Variants in ASTN2 observed in about 807,000 individuals in gnomAD.
ASTN2 encodes astrotactin 2, also known as astrotactin-2.
In ASTN2, 54 loss-of-function variants were observed where a neutral mutation model predicts 139.8. The observed-to-expected ratio is 0.39, with a 90% CI of 0.31 to 0.48. The LOEUF is 0.48. ASTN2 is among the 20% of genes least tolerant of loss of function. ASTN2 has a pLI of 0.95. For synonymous variants in ASTN2, 756 were observed against 719.5 expected, an observed-to-expected ratio of 1.05 and a Z score of -0.81; for missense variants, 1,565 against 1,725.1, an observed-to-expected ratio of 0.91 and a Z score of 1.64.
chr9:116,460,362 A>C (rs1390429108), intron 20 of ASTN2, among the ~76,000 whole-genome samples: 1 of 152,138 alleles, frequency 6.6e-6, no homozygotes, highest in African/African-American at 2.4e-5. Flanking sequence ...TATAACATAA[A>C]ATCCACTGAA....
At chr9:116,953,332 C>A (rs1380988335) in intron 10 of ASTN2, among the ~76,000 whole-genome samples, 1 of 152,162 alleles carries the variant, frequency 6.6e-6, no homozygotes, top group Admixed American at 6.5e-5. Flanking sequence ...GACTTCTAAA[C>A]CCTTGCTTTT....
Position 116,535,217 on chromosome 9 carries a change from G to C in ASTN2, c.3356-47717C>G, listed in dbSNP as rs376664828. On this transcript the variant is annotated intron_variant, in intron 19 of 22. Transcript: ENST00000313400. ...TTTTGTATTTTCCTTTTGCTTGGTA[G>C]ATCTTCCTCCATCCCTTTATTTTGA... 1.2e-4 allele frequency among the ~76,000 whole-genome samples: 18 copies of C among 152,252 alleles called. No homozygotes were observed. The East Asian group carries it at 1.7e-3, about 15-fold the overall frequency.
chr9:116,629,113 T>C (rs1472802151), intron 17 of ASTN2, among the ~76,000 whole-genome samples: 1 of 43,608 alleles, frequency 2.3e-5, no homozygotes, highest in Non-Finnish European at 3.5e-5. Context: ...CCAGTAACTC[T>C]TTTTTTTTTT....
intron 13 of ASTN2, among the ~76,000 whole-genome samples, chr9:116,739,783 C>G (rs1386841388): frequency 6.6e-6 from 1 of 152,148 alleles, no homozygotes; most frequent in Admixed American, 6.5e-5. Flanking sequence ...AAACTGAGTG[C>G]CTGAGTAAAA....
At chr9:117,305,750 G>A (rs1834983331) in intron 1 of ASTN2, among the ~76,000 whole-genome samples, 1 of 152,226 alleles carries the variant, frequency 6.6e-6, no homozygotes, top group African/African-American at 2.4e-5. Flanking sequence ...CTTACTCTGT[G>A]CGAGTCTCTG....
chr9:117,167,912 A>G (rs1830705548), intron 3 of ASTN2, among the ~76,000 whole-genome samples: 1 of 152,160 alleles, frequency 6.6e-6, no homozygotes, highest in Admixed American at 6.6e-5. Context: ...GCAATGTTTT[A>G]TAGCCATGGA....
intron 16 of ASTN2, among the ~76,000 whole-genome samples, chr9:116,670,050 C>T (rs1859099322): frequency 6.6e-6 from 1 of 152,166 alleles, no homozygotes; most frequent in South Asian, 2.1e-4. Context: ...GGTGATCCAC[C>T]CGCCTTGGCC....
At chr9:116,724,575 C>T (rs1214839373) in intron 16 of ASTN2, among the ~76,000 whole-genome samples, 2 of 152,190 alleles carry the variant, frequency 1.3e-5, no homozygotes, top group African/African-American at 2.4e-5. Context: ...AGCAAAGCTG[C>T]GTGAAAGCTC....
chr9:117,126,089 GT>G (rs1829682390), intron 4 of ASTN2, among the ~76,000 whole-genome samples: 3 of 152,064 alleles, frequency 2.0e-5, no homozygotes, highest in Admixed American at 2.0e-4. Flanking sequence ...ATAAAACCCA[GT>G]TTACACAGAT....
Position 117,214,545 on chromosome 9 carries a change from G to C in ASTN2, c.828C>G (p.His276Gln), listed in dbSNP as rs1420418418. Residue 276 changes from histidine to glutamine, a missense_variant, in exon 3 of 23, where the codon CAC (histidine) becomes CAG (glutamine). Physicochemically the swap from His to Gln is conservative, Grantham distance 24. Around this residue, in one of 4 missense-constraint regions of ASTN2, gnomAD observed 596 missense variants for 576.8 expected, o/e 1.03. Coordinates refer to ENST00000313400, the MANE Select transcript of ASTN2 (RefSeq NM_001365068.1). ...ESFRSSRLQTHNSVIGVPIRE... is the reference protein window; with the variant it reads ...ESFRSSRLQTQNSVIGVPIRE... ...GGATGGGCACGCCAATGACGGAATT[G>C]TGGGTTTGCAGCCGGGATGAACGGA... 2 of 1,613,474 alleles carry C rather than the reference G, an allele frequency of 1.2e-6. No individual in the cohort carries two copies. The highest frequency in any genetic ancestry group is 2.2e-5 in the South Asian group (2 of 91,076).
At chr9:116,621,270 G>A (rs1398064016) in intron 17 of ASTN2, among the ~76,000 whole-genome samples, 1 of 152,136 alleles carries the variant, frequency 6.6e-6, no homozygotes, top group South Asian at 2.1e-4. Context: ...GAATTGGCAT[G>A]GTTGTGTTCC....
At chr9:117,262,397 T>TTTA (rs1554713361) in intron 2 of ASTN2, among the ~76,000 whole-genome samples, 3,968 of 123,566 alleles carry the variant, frequency 0.032, 70 homozygotes, top group South Asian at 0.05. Flanking sequence ...CTGTTTCTTT[T>TTTA]TTTATTTATT....
Position 117,174,631 on chromosome 9 carries a change from C to A in ASTN2, c.1016-33153G>T, listed in dbSNP as rs1022658873. Among the ~76,000 whole-genome samples, 9 of 151,938 alleles carry A rather than the reference C, an allele frequency of 5.9e-5. No homozygotes were observed. The East Asian group carries it at 1.5e-3, about 26-fold the overall frequency. On this transcript the variant is annotated intron_variant, in intron 3 of 22. Coordinates refer to ENST00000313400, the MANE Select transcript of ASTN2 (RefSeq NM_001365068.1). ...GGAACTTAACAAAGATGTTAAAAAA[C>A]GTAAGGATAGTTTACTAATAGAAAC...
intron 2 of ASTN2, among the ~76,000 whole-genome samples, chr9:117,218,958 G>C (rs549532890): frequency 1.3e-5 from 2 of 152,214 alleles, no homozygotes; most frequent in African/African-American, 2.4e-5. Context: ...TTAGTGCCTG[G>C]CACATGGTAA....
intron 19 of ASTN2, among the ~76,000 whole-genome samples, chr9:116,563,523 G>A (rs1209765539): frequency 6.6e-6 from 1 of 152,100 alleles, no homozygotes; most frequent in Non-Finnish European, 1.5e-5. Flanking sequence ...TCCATCTCAA[G>A]GTCTTGCACT....
In ASTN2 at chr9:116,976,102, A is replaced by G; in HGVS notation, c.1751+12T>C. The G allele has an allele frequency of 6.2e-7, 1 of 1,613,748 alleles. No homozygotes were observed. The highest frequency in any genetic ancestry group is 8.5e-7 in the Non-Finnish European group (1 of 1,179,696). ...TTCCCAGAATTATGCCCCAACAAGAAAGCCAACTCACCTGAGAATCTTTTC... is the reference window on the plus strand; with the variant it reads ...TTCCCAGAATTATGCCCCAACAAGAGAGCCAACTCACCTGAGAATCTTTTC... On this transcript the variant is annotated intron_variant, in intron 9 of 22. Coordinates refer to ENST00000313400, the MANE Select transcript of ASTN2 (RefSeq NM_001365068.1).
intron 19 of ASTN2, among the ~76,000 whole-genome samples, chr9:116,560,324 G>A (rs1424221150): frequency 6.6e-6 from 1 of 152,116 alleles, no homozygotes; most frequent in East Asian, 1.9e-4. Context: ...CACTTTTCTG[G>A]TAACTGCGGA....
chr9:116,704,051 T>C (rs1322890205), intron 16 of ASTN2, among the ~76,000 whole-genome samples: 2 of 152,196 alleles, frequency 1.3e-5, no homozygotes, highest in Non-Finnish European at 2.9e-5. Context: ...GCTCTGGGTC[T>C]GGCAATGTAC....
chr9:116,608,928 A>C (rs1351967453), intron 19 of ASTN2, among the ~76,000 whole-genome samples: 1 of 152,204 alleles, frequency 6.6e-6, no homozygotes, highest in African/African-American at 2.4e-5. Flanking sequence ...TGGACTTCCA[A>C]AGGTGAAAAT....
Sources: gnomAD v4.1 joint callset for allele counts (sites outside exome capture counted in the v4.1 genomes callset) on GRCh38, gnomAD v4.1.1 for gene constraint, gnomAD v4.1.1 regional missense constraint, MANE v1.5 for transcripts, NCBI Gene and HGNC (gene_info 2026-07-23, HGNC 2026-07-21) for gene names.